FAM149B1: variants seen among roughly 807,000 people sequenced by gnomAD.
The protein encoded by FAM149B1 is primary cilium assembly protein FAM149B1.
Under a neutral mutation model 75.3 loss-of-function variants are expected in FAM149B1, and 56 were observed. That is an observed-to-expected ratio of 0.74 (90% CI 0.60 to 0.93). The LOEUF (loss-of-function observed/expected upper bound fraction) is 0.93, where lower values mean the gene tolerates loss of function less well. Among genes scored for constraint, FAM149B1 ranks in the 40% least tolerant of loss-of-function variants. The probability of loss-of-function intolerance (pLI) is 0.00; values close to 1 mark genes in which losing one functional copy is unlikely to be tolerated. For missense variants in FAM149B1, 639 were observed against 708.4 expected, an observed-to-expected ratio of 0.90 and a Z score of 1.11; for synonymous variants, 259 against 256.1, an observed-to-expected ratio of 1.01 and a Z score of -0.11.
chr10:73,184,502 C>G (rs949106952), intron 3 of FAM149B1, among the ~76,000 whole-genome samples: 1 of 152,028 alleles, frequency 6.6e-6, no homozygotes, highest in African/African-American at 2.4e-5. Context: ...CACCCAGTGA[C>G]AGCAGTGTAG....
chr10:73,210,504 AT>A, intron 7 of FAM149B1, 66 bp downstream of exon 7: 1 of 1,128,498 alleles, frequency 8.9e-7, no homozygotes, highest in Non-Finnish European at 1.3e-6. Flanking sequence ...TAACCAGTCT[AT>A]TAGATGATAT....
At chr10:73,186,721 G>A (rs927379196) in intron 3 of FAM149B1, among the ~76,000 whole-genome samples, 14 of 152,192 alleles carry the variant, frequency 9.2e-5, no homozygotes, top group Admixed American at 7.2e-4. Context: ...AAGAAGTTCC[G>A]ATACATGTTA....
intron 5 of FAM149B1, among the ~76,000 whole-genome samples, chr10:73,201,862 AG>A (rs2042946222): frequency 6.6e-6 from 1 of 152,102 alleles, no homozygotes; most frequent in Non-Finnish European, 1.5e-5. Context: ...TATTCACTTA[AG>A]AAAAAAAAAA....
chr10:73,212,144 A>C lies in FAM149B1; in HGVS notation c.898+1706A>C, dbSNP rs190486091. Among the ~76,000 whole-genome samples the C allele has an allele frequency of 3.5e-4, 54 of 152,254 alleles. 1 individual carries two copies. Among genetic ancestry groups the C allele is most frequent in the African/African-American group, 2.4e-5 (1 of 41,558 alleles). On this transcript the variant is annotated intron_variant, in intron 7 of 13. Transcript: ENST00000242505. ...ACAGCCTTTATGGAAAAAAGCATGGATATTTCTCAGATTTCATTATTTTGT... is the reference window on the plus strand; with the variant it reads ...ACAGCCTTTATGGAAAAAAGCATGGCTATTTCTCAGATTTCATTATTTTGT...
chr10:73,172,265 A>G (rs751993112), intron 1 of FAM149B1, among the ~76,000 whole-genome samples: 5 of 152,172 alleles, frequency 3.3e-5, no homozygotes, highest in Non-Finnish European at 7.3e-5. Context: ...ATTGATCTCC[A>G]CAATTTGAGA....
intron 1 of FAM149B1, among the ~76,000 whole-genome samples, chr10:73,174,014 T>C (rs1391568620): frequency 1.3e-5 from 2 of 152,230 alleles, no homozygotes; most frequent in South Asian, 4.1e-4. Context: ...CAATAGTTTA[T>C]TTCTCTTTAT....
intron 11 of FAM149B1, 43 bp from the exon 12 acceptor site, chr10:73,235,136 TACATACCACATTAC>T: frequency 6.5e-7 from 1 of 1,532,710 alleles, no homozygotes; most frequent in Non-Finnish European, 8.8e-7. Flanking sequence ...GGGTTTTAAC[TACATACCACATTAC>T]AGATAGTTTT....
chr10:73,234,535 A>G (rs1296061644), intron 10 of FAM149B1: 1 of 349,732 alleles, frequency 2.9e-6, no homozygotes, highest in Non-Finnish European at 5.3e-6. Context: ...GAGAAGTGCA[A>G]TACCAGATAG....
rs562181202 is a variant in FAM149B1 at position 73,176,395 on chromosome 10, G to A, written c.153-1451G>A. ...GCACCGGTCTGTGACCCCGGGGTTC[G>A]GGACCCCTGTCTCATAGGATGTTGC... On this transcript the variant is annotated intron_variant, in intron 2 of 13. Transcript: ENST00000242505. Among the ~76,000 whole-genome samples the A allele has an allele frequency of 5.3e-5, 8 of 152,280 alleles. 1 individual carries two copies. In the South Asian group the frequency reaches 1.7e-3, roughly 32 times the overall value.
rs2043981446 is a variant in FAM149B1 at position 73,244,049 on chromosome 10, G to C, written c.*3030G>C. 3 of 750,934 alleles carry C rather than the reference G, an allele frequency of 4.0e-6. No individual in the cohort carries two copies. The highest frequency in any genetic ancestry group is 6.6e-6 in the Non-Finnish European group (3 of 456,414). The allele number at this position is 750,934 out of a possible 1,614,324, so 46.5% of individuals were successfully genotyped here. On this transcript the variant is annotated 3_prime_UTR_variant, in exon 14 of 14. Transcript: ENST00000242505. ...TTATGAATATATGAATAGACAAAATGAATCGAATTACATAACTATGTCATT... is the reference window on the plus strand; with the variant it reads ...TTATGAATATATGAATAGACAAAATCAATCGAATTACATAACTATGTCATT...
intron 12 of FAM149B1, 83 bp from the exon 13 acceptor site, chr10:73,239,229 C>G (rs1049711366): frequency 3.4e-6 from 4 of 1,177,486 alleles, no homozygotes; most frequent in African/African-American, 1.5e-5. Context: ...CTGTTGATTT[C>G]AAGGTGTTCC....
chr10:73,230,713 T>TA (rs2043672381), intron 9 of FAM149B1, 188 bp downstream of exon 9: 1 of 520,118 alleles, frequency 1.9e-6, no homozygotes, highest in African/African-American at 1.9e-5. Context: ...AGAGAAGACA[T>TA]ACGTGGGTAA....
chr10:73,219,359 C>T (rs2043359474), intron 7 of FAM149B1, among the ~76,000 whole-genome samples: 1 of 152,164 alleles, frequency 6.6e-6, no homozygotes, highest in South Asian at 2.1e-4. Context: ...TCAGTACAAT[C>T]CCTATCAAAA....
intron 7 of FAM149B1, among the ~76,000 whole-genome samples, chr10:73,213,402 G>A (rs1211285735): frequency 2.0e-5 from 3 of 152,036 alleles, no homozygotes; most frequent in Non-Finnish European, 4.4e-5. Context: ...TTCTTTGCCT[G>A]GACAATGTCC....
intron 2 of FAM149B1, among the ~76,000 whole-genome samples, chr10:73,177,309 T>G (rs1266331990): frequency 6.6e-6 from 1 of 151,994 alleles, no homozygotes; most frequent in Non-Finnish European, 1.5e-5. Flanking sequence ...TGCGGTGGCT[T>G]ATGCCTGTAA....
intron 9 of FAM149B1, among the ~76,000 whole-genome samples, chr10:73,231,992 A>C (rs1289328785): frequency 6.6e-6 from 1 of 151,602 alleles, no homozygotes; most frequent in Non-Finnish European, 1.5e-5. Flanking sequence ...CTCCAGGTTT[A>C]GCCCTGTTCC....
In FAM149B1 at chr10:73,234,894, C is replaced by T; in HGVS notation, c.1430C>T (p.Thr477Ile). 6.4e-7 allele frequency: 1 copy of T among 1,552,010 alleles called. No homozygotes were observed. The part of the protein sequence containing the change: ...SRNNLLPPIG[T>I]AEVEHVSTVG... ...AATAATCTGCTACCACCTATTGGCA[C>T]AGCTGAAGTGGAACATGTGAGCACT... Residue 477 changes from threonine (T) to isoleucine (I), a missense_variant, in exon 11 of 14, where the codon ACA becomes ATA. Physicochemically the swap from Thr to Ile is moderately conservative, Grantham distance 89 (BLOSUM62 -1). Transcript: ENST00000242505.
chr10:73,177,761 G>A (rs1304686758), intron 2 of FAM149B1, 85 bp from the exon 3 acceptor site: 11 of 1,195,066 alleles, frequency 9.2e-6, no homozygotes, highest in African/African-American at 2.1e-5. Flanking sequence ...CACCTAGTAA[G>A]TTGCTGAGTA....
intron 5 of FAM149B1, among the ~76,000 whole-genome samples, chr10:73,206,914 CAAAA>C (rs1417938015): frequency 6.9e-5 from 10 of 145,810 alleles, no homozygotes; most frequent in East Asian, 2.1e-4. Context: ...GACTCTGTCT[CAAAA>C]AAACAAACAA....
Sources: allele counts gnomAD v4.1 joint callset (sites outside exome capture counted in the v4.1 genomes callset), GRCh38; gene constraint gnomAD v4.1.1; transcripts MANE v1.5; gene names NCBI Gene and HGNC (gene_info 2026-07-23, HGNC 2026-07-21).